PDE11A: variants seen among roughly 807,000 people sequenced by gnomAD.
PDE11A encodes phosphodiesterase 11A.
Under a neutral mutation model 100.5 loss-of-function variants are expected in PDE11A, and 100 were observed. That is an observed-to-expected ratio of 1.00 (90% confidence interval 0.85 to 1.18). The LOEUF is 1.18. Among genes scored for constraint, PDE11A ranks in the 50% most tolerant of loss-of-function variants. The pLI, the probability that PDE11A is intolerant of heterozygous loss-of-function variation, is 0.00. For synonymous variants in PDE11A, 381 were observed against 420.8 expected (o/e 0.91, Z 1.16); for missense variants, 1,141 against 1,152.6 (o/e 0.99, Z 0.15).
chr2:177,918,009 T>C (rs2084979390), intron 2 of PDE11A, among the ~76,000 whole-genome samples: 1 of 152,206 alleles, frequency 6.6e-6, no homozygotes, highest in African/African-American at 2.4e-5. Context: ...GTAAGTTGTA[T>C]CTATGCAACT....
At chr2:177,875,390 T>C (rs2084215875) in intron 5 of PDE11A, among the ~76,000 whole-genome samples, 1 of 151,926 alleles carries the variant, frequency 6.6e-6, no homozygotes, top group African/African-American at 2.4e-5. Context: ...TTTATTTTAT[T>C]TTTTTGAGGC....
chr2:177,837,512 C>T (rs1321425237), intron 6 of PDE11A, among the ~76,000 whole-genome samples: 6 of 149,118 alleles, frequency 4.0e-5, no homozygotes, highest in African/African-American at 7.4e-5. Flanking sequence ...CTCGCTCTGT[C>T]GCCCAGGCTG....
At chr2:177,998,089 T>TTCA in intron 2 of PDE11A, 3 of 1,304,652 alleles carry the variant, frequency 2.3e-6, no homozygotes, top group Non-Finnish European at 3.3e-6. Flanking sequence ...ATCTGAGGGA[T>TTCA]TGAAGGTCTG....
At chr2:177,694,757 T>C (rs1368745471) in intron 15 of PDE11A, among the ~76,000 whole-genome samples, 1 of 152,166 alleles carries the variant, frequency 6.6e-6, no homozygotes, top group African/African-American at 2.4e-5. Context: ...TATAGCAGTG[T>C]TTTCTATTTT....
chr2:177,806,443 T>C (rs1446940852), intron 9 of PDE11A, among the ~76,000 whole-genome samples: 1 of 152,218 alleles, frequency 6.6e-6, no homozygotes, highest in Non-Finnish European at 1.5e-5. Context: ...GCATTGCAGA[T>C]GGTCAAATTT....
intron 10 of PDE11A, among the ~76,000 whole-genome samples, chr2:177,745,775 C>T (rs1228999046): frequency 6.6e-6 from 1 of 152,200 alleles, no homozygotes; most frequent in Non-Finnish European, 1.5e-5. Context: ...ATTTGTTTTC[C>T]CAGCCCTCTT....
intron 14 of PDE11A, among the ~76,000 whole-genome samples, chr2:177,699,403 G>A (rs942890161): frequency 1.3e-5 from 2 of 152,220 alleles, no homozygotes; most frequent in Non-Finnish European, 2.9e-5. Context: ...CATGTTGCAT[G>A]TGACTGTACT....
At chr2:177,819,272 GA>G (rs1170967230) in intron 7 of PDE11A, among the ~76,000 whole-genome samples, 1 of 152,010 alleles carries the variant, frequency 6.6e-6, no homozygotes, top group Non-Finnish European at 1.5e-5. Flanking sequence ...CATTATCTCA[GA>G]ATTCATATCT....
At chr2:177,635,892 C>T (rs1457164782) in intron 19 of PDE11A, among the ~76,000 whole-genome samples, 1 of 151,250 alleles carries the variant, frequency 6.6e-6, no homozygotes, top group African/African-American at 2.4e-5. Context: ...TATTCCACTG[C>T]TGTCAAAATT....
rs753771205 is a variant in PDE11A at position 177,629,471 on chromosome 2, A to T, written c.2738T>A (p.Leu913Gln). 9 of 1,613,900 alleles carry T rather than the reference A, an allele frequency of 5.6e-6. No individual in the cohort carries two copies. In the South Asian group the frequency reaches 9.9e-5, roughly 18 times the overall value. Residue 913 changes from leucine (L) to glutamine (Q), a missense_variant, in exon 20 of 20, where the codon CTG becomes CAG. By Grantham distance (113) the Leu-to-Gln change is moderately radical. Coordinates refer to ENST00000286063, the MANE Select transcript of PDE11A (RefSeq NM_016953.4). ...GGAGGATGAGGCAGTTGAGGCCAGC[A>T]GTCGTTTTTGGTGTAGCTCTTCCCA... The part of the protein sequence containing the change: ...SKWEELHQKR[L>Q]LASTASSSPA...
At chr2:177,949,025 A>C (rs1392661431) in intron 2 of PDE11A, among the ~76,000 whole-genome samples, 1 of 152,208 alleles carries the variant, frequency 6.6e-6, no homozygotes, top group African/African-American at 2.4e-5. Context: ...ATGTTTAATC[A>C]CAAGATATAA....
chr2:177,828,129 T>A (rs1391114190), intron 6 of PDE11A, among the ~76,000 whole-genome samples: 1 of 152,162 alleles, frequency 6.6e-6, no homozygotes, highest in East Asian at 1.9e-4. Flanking sequence ...TTCATGATTA[T>A]AAAAATAATA....
intron 6 of PDE11A, among the ~76,000 whole-genome samples, chr2:177,836,328 C>T (rs540648468): frequency 6.6e-6 from 1 of 152,310 alleles, no homozygotes; most frequent in East Asian, 1.9e-4. Context: ...CACTCTGTAT[C>T]TAGCTCAAGG....
At chr2:177,736,721 GTGACAGT>G (rs1294881735) in intron 10 of PDE11A, among the ~76,000 whole-genome samples, 2 of 152,116 alleles carry the variant, frequency 1.3e-5, no homozygotes, top group Non-Finnish European at 2.9e-5. Flanking sequence ...CATAAGCTAA[GTGACAGT>G]TGAATCAGAA....
At chr2:177,744,793 G>A (rs1212774871) in intron 10 of PDE11A, among the ~76,000 whole-genome samples, 1 of 152,188 alleles carries the variant, frequency 6.6e-6, no homozygotes, top group Non-Finnish European at 1.5e-5. Flanking sequence ...TGAGTGGGTT[G>A]ATATATGCTC....
At position 177,864,170 on chromosome 2, in the gene PDE11A, C is replaced by A. The variant is rs561925494; in HGVS notation, c.1367+11689G>T. Among the ~76,000 whole-genome samples, 4 of 151,954 alleles carry A rather than the reference C, an allele frequency of 2.6e-5. No individual in the cohort carries two copies. In the South Asian group the frequency reaches 8.3e-4, roughly 32 times the overall value. ...AAAAAATTCAAATATACAGAGAGAA[C>A]AAAACAGTAGTTACTAGGGGTAGTA... On this transcript the variant is annotated intron_variant, in intron 5 of 19. Transcript: ENST00000286063.
intron 16 of PDE11A, among the ~76,000 whole-genome samples, chr2:177,678,590 A>G (rs1433224389): frequency 6.6e-6 from 1 of 152,174 alleles, no homozygotes; most frequent in Admixed American, 6.5e-5. Context: ...TTTTATTACT[A>G]TTTTAAAATT....
intron 4 of PDE11A, among the ~76,000 whole-genome samples, chr2:177,892,273 T>C (rs1403112726): frequency 6.6e-6 from 1 of 152,156 alleles, no homozygotes; most frequent in Non-Finnish European, 1.5e-5. Context: ...TTTATAGGTA[T>C]GAACTAGAAA....
intron 10 of PDE11A, among the ~76,000 whole-genome samples, chr2:177,745,623 T>C (rs569147172): frequency 6.6e-6 from 1 of 152,042 alleles, no homozygotes; most frequent in Non-Finnish European, 1.5e-5. Flanking sequence ...TCCTGAAGGG[T>C]TCTGAGGCTG....
Sources: allele counts gnomAD v4.1 joint callset (sites outside exome capture counted in the v4.1 genomes callset), GRCh38; gene constraint gnomAD v4.1.1; transcripts MANE v1.5; gene names NCBI Gene and HGNC (gene_info 2026-07-23, HGNC 2026-07-21).